SH3D19: variants seen among roughly 807,000 people sequenced by gnomAD.
SH3D19 encodes the protein SH3 domain-containing protein 19.
In SH3D19, 58 loss-of-function variants were observed where a neutral mutation model predicts 112.1. That is an observed-to-expected ratio of 0.52 (90% CI 0.42 to 0.64). The LOEUF is 0.64. Ranked by LOEUF, SH3D19 falls within the 30% of genes least tolerant of loss-of-function variation. The pLI is 0.00. For synonymous variants in SH3D19, 391 were observed against 448.5 expected (o/e 0.87, Z 1.62); for missense variants, 1,090 against 1,263.4 (o/e 0.86, Z 2.08).
intron 1 of SH3D19, among the ~76,000 whole-genome samples, chr4:151,228,384 T>G (rs181771978): frequency 2.0e-5 from 3 of 152,340 alleles, no homozygotes; most frequent in Non-Finnish European, 2.9e-5. Flanking sequence ...GAAACACATG[T>G]TCTTGGCTTG....
intron 2 of SH3D19, among the ~76,000 whole-genome samples, chr4:151,189,245 C>T: frequency 6.6e-6 from 1 of 152,064 alleles, no homozygotes; most frequent in Non-Finnish European, 1.5e-5. Context: ...TCCCAAGCAG[C>T]TGGGACTACA....
chr4:151,318,145 A>C (rs1237151080), intron 1 of SH3D19, among the ~76,000 whole-genome samples: 1 of 150,822 alleles, frequency 6.6e-6, no homozygotes, highest in Non-Finnish European at 1.5e-5. Flanking sequence ...AAAATACAAA[A>C]AAAAAATTAG....
intron 8 of SH3D19, among the ~76,000 whole-genome samples, chr4:151,160,555 G>A (rs1346961886): frequency 6.6e-6 from 1 of 152,168 alleles, no homozygotes; most frequent in African/African-American, 2.4e-5. Flanking sequence ...TAATTAAAAT[G>A]AGTGTGCAAA....
intron 2 of SH3D19, among the ~76,000 whole-genome samples, chr4:151,212,086 C>A (rs1353680850): frequency 6.6e-6 from 1 of 152,228 alleles, no homozygotes; most frequent in Non-Finnish European, 1.5e-5. Flanking sequence ...AAAGGACAGG[C>A]TGACTTTTGT....
intron 2 of SH3D19, among the ~76,000 whole-genome samples, chr4:151,191,276 G>A (rs1337311612): frequency 3.3e-5 from 5 of 152,184 alleles, no homozygotes; most frequent in Non-Finnish European, 7.3e-5. Context: ...ACATTGGACT[G>A]TGAACTTTTG....
At chr4:151,171,190 C>T (rs1480777356) in intron 7 of SH3D19, among the ~76,000 whole-genome samples, 2 of 151,952 alleles carry the variant, frequency 1.3e-5, no homozygotes, top group African/African-American at 4.8e-5. Context: ...ATTGTGTACA[C>T]ATGAGCTAAT....
chr4:151,255,968 A>C (rs1771868772), intron 1 of SH3D19, among the ~76,000 whole-genome samples: 1 of 142,474 alleles, frequency 7.0e-6, no homozygotes, highest in Non-Finnish European at 1.5e-5. Flanking sequence ...GCAGCAGTAC[A>C]GTCCAGCTTT....
intron 2 of SH3D19, among the ~76,000 whole-genome samples, chr4:151,188,624 C>G (rs1762144182): frequency 6.6e-6 from 1 of 152,186 alleles, no homozygotes; most frequent in East Asian, 1.9e-4. Context: ...GAAGGGGTAA[C>G]AGCCCTCTTA....
At chr4:151,283,145 A>G (rs751246060) in intron 1 of SH3D19, 6 of 1,613,842 alleles carry the variant, frequency 3.7e-6, no homozygotes, top group Non-Finnish European at 5.1e-6. Flanking sequence ...CCCTTCAGGA[A>G]GCAGAAGTAC....
intron 7 of SH3D19, 43 bp downstream of exon 7, chr4:151,174,627 A>G: frequency 1.4e-6 from 2 of 1,480,658 alleles, no homozygotes; most frequent in Non-Finnish European, 1.8e-6. Flanking sequence ...AAAATACCCT[A>G]TCATGAGTTT....
intron 19 of SH3D19, among the ~76,000 whole-genome samples, chr4:151,127,346 C>T (rs1579622540): frequency 6.6e-6 from 1 of 152,116 alleles, no homozygotes. Flanking sequence ...GATCTGATGA[C>T]CTAAGACCAA....
rs1431364013 is a variant in SH3D19, at chr4:151,254,988, T to C, written c.113-28902A>G. On this transcript the variant is annotated intron_variant, in intron 1 of 19. Transcript: ENST00000604030. ...CTCCCTCCCGGATGGGGCGGCTGGCTGGGCAGAGGGGCTCCTCACTTCCCA... is the reference window on the plus strand; with the variant it reads ...CTCCCTCCCGGATGGGGCGGCTGGCCGGGCAGAGGGGCTCCTCACTTCCCA... Among the ~76,000 whole-genome samples, 921 of 140,538 alleles carry C rather than the reference T, an allele frequency of 6.6e-3. 68 individuals carry two copies. The highest frequency in any genetic ancestry group is 1.2e-3 in the Non-Finnish European group (78 of 64,900). 92.2% of individuals were successfully genotyped at this position (140,538 alleles called of 152,430 possible). A position where few individuals can be genotyped will look rare whatever the true frequency, so the allele number is the denominator to read the frequency against.
At chr4:151,189,709 A>T (rs1762342578) in intron 2 of SH3D19, among the ~76,000 whole-genome samples, 1 of 152,118 alleles carries the variant, frequency 6.6e-6, no homozygotes, top group Non-Finnish European at 1.5e-5. Context: ...AGCCATGTGG[A>T]ACTGTGAGTC....
chr4:151,291,066 T>G (rs1457047007), intron 1 of SH3D19: 3 of 1,402,220 alleles, frequency 2.1e-6, no homozygotes, highest in Non-Finnish European at 2.9e-6. Flanking sequence ...ATTACTACTC[T>G]CTTCTTTATG....
At position 151,276,984 on chromosome 4, in the gene SH3D19, G is replaced by A. The variant is rs576579652; in HGVS notation, c.112+48257C>T. On this transcript the variant is annotated intron_variant, in intron 1 of 19. Transcript: ENST00000604030. ...CCACAGACCCCAGTTCCTCCCCTGG[G>A]TCCTGCAGCTGCACTTCTGAAGTCT... 3.9e-5 allele frequency among the ~76,000 whole-genome samples: 6 copies of A among 152,258 alleles called. No individual in the cohort carries two copies. In the East Asian group the frequency reaches 9.7e-4, roughly 25 times the overall value.
chr4:151,125,493 A>C (rs201501248), intron 19 of SH3D19, among the ~76,000 whole-genome samples: 62,789 of 94,824 alleles, frequency 0.66, 22,455 homozygotes, highest in Non-Finnish European at 0.84. Flanking sequence ...AAACAAAACC[A>C]AAAAAAAAAA....
chr4:151,253,370 G>C (rs979642799), intron 1 of SH3D19, among the ~76,000 whole-genome samples: 6 of 152,194 alleles, frequency 3.9e-5, no homozygotes, highest in African/African-American at 1.4e-4. Context: ...TCACCTCAGT[G>C]ATGCCTTGTC....
At chr4:151,243,559 T>A (rs1345041898) in intron 1 of SH3D19, among the ~76,000 whole-genome samples, 1 of 152,238 alleles carries the variant, frequency 6.6e-6, no homozygotes, top group Admixed American at 6.5e-5. Context: ...TGTTGCCTAG[T>A]GGCAGAAATT....
intron 9 of SH3D19, among the ~76,000 whole-genome samples, chr4:151,153,360 C>T (rs527850590): frequency 2.0e-5 from 3 of 152,118 alleles, no homozygotes; most frequent in South Asian, 2.1e-4. Context: ...GATTCTCCTG[C>T]GTCAGCCTCC....
Sources: allele counts gnomAD v4.1 joint callset (sites outside exome capture counted in the v4.1 genomes callset), GRCh38; gene constraint gnomAD v4.1.1; transcripts MANE v1.5; gene names NCBI Gene and HGNC (gene_info 2026-07-23, HGNC 2026-07-21).